The following LTF variants were observed in gnomAD, a reference collection of about 807,000 sequenced individuals.
LTF encodes the protein epididymis luminal protein 110.
Under a neutral mutation model 87.2 loss-of-function variants are expected in LTF, and 91 were observed. The observed-to-expected ratio is 1.04, with a 90% CI of 0.88 to 1.24. LTF has a LOEUF of 1.24. Ranked by LOEUF, LTF falls within the 50% of genes most tolerant of loss-of-function variation. The probability of loss-of-function intolerance (pLI) is 0.00; values close to 1 mark genes in which losing one functional copy is unlikely to be tolerated. For missense variants in LTF, 901 were observed against 904.3 expected (o/e 1.00, Z 0.05); for synonymous variants, 378 against 356.1 (o/e 1.06, Z -0.69).
intron 2 of LTF, among the ~76,000 whole-genome samples, chr3:46,459,184 C>T (rs1202729295): frequency 6.6e-6 from 1 of 152,226 alleles, no homozygotes; most frequent in Non-Finnish European, 1.5e-5. Flanking sequence ...TTTTCTCTCT[C>T]TCTGAAAGTG....
chr3:46,464,674 CG>C (rs903998355), intron 1 of LTF, 150 bp downstream of exon 1: 1 of 756,514 alleles, frequency 1.3e-6, no homozygotes, highest in African/African-American at 1.8e-5. Flanking sequence ...ACTGGCCCCG[CG>C]TCCGGGCCGC....
At chr3:46,436,375 A>T in intron 16 of LTF, 146 bp from the exon 17 acceptor site, 2 of 713,752 alleles carry the variant, frequency 2.8e-6, no homozygotes, top group Non-Finnish European at 4.9e-6. Flanking sequence ...TCATATTCCC[A>T]CTCCCCTACT....
intron 2 of LTF, among the ~76,000 whole-genome samples, chr3:46,457,299 C>G (rs149630789): frequency 1.3e-5 from 2 of 152,226 alleles, no homozygotes; most frequent in Admixed American, 1.3e-4. Flanking sequence ...ATAATGTTTT[C>G]TCATAATGTG....
intron 1 of LTF, among the ~76,000 whole-genome samples, chr3:46,471,107 C>T (rs554866370): frequency 6.6e-6 from 1 of 152,228 alleles, no homozygotes; most frequent in Admixed American, 6.5e-5. Context: ...ACAGAGGCTG[C>T]GGGGAGTTTT....
Position 46,464,835 on chromosome 3 carries a change from G to A in LTF, c.33C>T (p.Leu11=), listed in dbSNP as rs1331915225. Residue 11 remains leucine (L), a synonymous_variant, in exon 1 of 17, where the codon CTC becomes CTT. Transcript: ENST00000231751. The part of the protein sequence containing the change: MKLVFLVLLF[L]GALGLCLAGR... ...GGCACCTGCACTCACCGAGGGCCCC[G>A]AGGAACAGCAGGACGAGGAAGACAA... The A allele has an allele frequency of 3.7e-6, 6 of 1,613,924 alleles. No individual in the cohort carries two copies. Among genetic ancestry groups the A allele is most frequent in the Admixed American group, 3.3e-5 (2 of 59,928 alleles).
intron 1 of LTF, among the ~76,000 whole-genome samples, chr3:46,464,235 G>A (rs1382231886): frequency 2.6e-5 from 4 of 152,080 alleles, no homozygotes; most frequent in Admixed American, 1.3e-4. Flanking sequence ...CCTTCTGTTT[G>A]GCTGACATTT....
rs1702679062 is a variant in LTF, at chr3:46,447,313, T to C, written c.1298A>G (p.Asn433Ser). Reference sequence around the variant, plus strand: ...AGGATGCTAACTCCACTTACTGTAGTTCTCTGCCAGGACAGGCACCAAACC... The same window carrying C: ...AGGATGCTAACTCCACTTACTGTAGCTCTCTGCCAGGACAGGCACCAAACC... ...KCGLVPVLAE[N>S]YKSQQSSDPD... is the part of the protein sequence containing the mutation. The change falls in exon 10 of 17, where the codon AAC becomes AGC. Residue 433 changes from asparagine to serine, a missense_variant. Physicochemically the swap from Asn to Ser is conservative, Grantham distance 46. Coordinates refer to ENST00000231751, the MANE Select transcript of LTF (RefSeq NM_002343.6). The C allele has an allele frequency of 6.2e-7, 1 of 1,613,788 alleles. No homozygotes were observed. The highest frequency in any genetic ancestry group is 1.7e-5 in the Admixed American group (1 of 60,032).
upstream of LTF, among the ~76,000 whole-genome samples, chr3:46,469,287 C>T (rs1404644547): frequency 6.6e-6 from 1 of 152,230 alleles, no homozygotes; most frequent in Non-Finnish European, 1.5e-5. Context: ...GAGCCAAGAA[C>T]CCTCTGAGAG....
At chr3:46,483,602 G>C (rs141365530) in intron 1 of LTF, among the ~76,000 whole-genome samples, 3 of 152,150 alleles carry the variant, frequency 2.0e-5, no homozygotes, top group African/African-American at 7.2e-5. Flanking sequence ...AGATAGGGGA[G>C]TGTTAACCTT....
Position 46,445,440 on chromosome 3 carries a change from G to T in LTF, c.1358-4C>A, listed in dbSNP as rs767041669. Reference sequence around the variant, plus strand: ...ACCACCGCCACAGCAAGATATCCTGGCATAACAGATGACAGAAAAACAAGT... The same window carrying T: ...ACCACCGCCACAGCAAGATATCCTGTCATAACAGATGACAGAAAAACAAGT... On this transcript the variant is annotated splice_region_variant and splice_polypyrimidine_tract_variant and intron_variant, in intron 11 of 16. Coordinates refer to ENST00000231751, the MANE Select transcript of LTF (RefSeq NM_002343.6). The T allele has an allele frequency of 1.2e-6, 2 of 1,608,170 alleles. No homozygotes were observed. Among genetic ancestry groups the T allele is most frequent in the South Asian group, 2.2e-5 (2 of 90,368 alleles).
At chr3:46,484,035 G>T (rs1703484904) in intron 1 of LTF, among the ~76,000 whole-genome samples, 1 of 152,172 alleles carries the variant, frequency 6.6e-6, no homozygotes, top group Non-Finnish European at 1.5e-5. Context: ...TGCTGTCCTT[G>T]TTTGGGATGT....
At chr3:46,476,687 T>G (rs1703363148) in intron 1 of LTF, among the ~76,000 whole-genome samples, 2 of 152,194 alleles carry the variant, frequency 1.3e-5, no homozygotes, top group African/African-American at 4.8e-5. Flanking sequence ...CCACAAAAAC[T>G]CTATACATGC....
intron 15 of LTF, among the ~76,000 whole-genome samples, chr3:46,438,912 C>T (rs972103134): frequency 1.3e-5 from 2 of 152,158 alleles, no homozygotes; most frequent in Admixed American, 1.3e-4. Flanking sequence ...GCACTGTTCA[C>T]TCGGCCCAGG....
intron 1 of LTF, among the ~76,000 whole-genome samples, chr3:46,481,691 C>T (rs1476943823): frequency 6.6e-6 from 1 of 152,180 alleles, no homozygotes; most frequent in Non-Finnish European, 1.5e-5. Flanking sequence ...GCAGAGGTTG[C>T]AGGGAGCCGA....
At chr3:46,483,306 C>T (rs1163291122) in intron 1 of LTF, among the ~76,000 whole-genome samples, 1 of 152,132 alleles carries the variant, frequency 6.6e-6, no homozygotes, top group East Asian at 1.9e-4. Flanking sequence ...AGGTGTACGC[C>T]CAGCAGAAAT....
chr3:46,455,145 G>T, intron 5 of LTF, 150 bp downstream of exon 5: 1 of 922,988 alleles, frequency 1.1e-6, no homozygotes, highest in Non-Finnish European at 1.7e-6. Context: ...GGGCAGGCCT[G>T]CACTCTCTTT....
intron 14 of LTF, among the ~76,000 whole-genome samples, 188 bp from the exon 15 acceptor site, chr3:46,439,668 C>T (rs1460419216): frequency 6.6e-6 from 1 of 152,186 alleles, no homozygotes; most frequent in Non-Finnish European, 1.5e-5. Context: ...AATATTAGTG[C>T]TGTGTCCATG....
At chr3:46,470,192 C>A (rs922519041) in intron 2 of LTF, among the ~76,000 whole-genome samples, 1 of 152,266 alleles carries the variant, frequency 6.6e-6, no homozygotes, top group Non-Finnish European at 1.5e-5. Flanking sequence ...AACTGAGCAC[C>A]TAATCACCAT....
intron 13 of LTF, among the ~76,000 whole-genome samples, chr3:46,442,350 G>T (rs962713293): frequency 6.6e-6 from 1 of 152,020 alleles, no homozygotes; most frequent in African/African-American, 2.4e-5. Flanking sequence ...GTATGACACT[G>T]GTTTCAGCTT....
Sources: allele counts gnomAD v4.1 joint callset (sites outside exome capture counted in the v4.1 genomes callset), GRCh38; gene constraint gnomAD v4.1.1; transcripts MANE v1.5; gene names NCBI Gene and HGNC (gene_info 2026-07-23, HGNC 2026-07-21).